The following PPDPFL variants were observed in gnomAD, a reference collection of about 807,000 sequenced individuals.
PPDPFL encodes the protein pancreatic progenitor cell differentiation and proliferation factor-like protein.
In PPDPFL, 12 loss-of-function variants were observed where a neutral mutation model predicts 12.6. That is an observed-to-expected ratio of 0.95 (90% CI 0.61 to 1.54). PPDPFL has a LOEUF of 1.54. Among genes scored for constraint, PPDPFL ranks in the 40% most tolerant of loss-of-function variants. The pLI is 0.00. For missense variants in PPDPFL, 114 were observed against 96.0 expected, an observed-to-expected ratio of 1.19 and a Z score of -0.78; for synonymous variants, 24 against 32.7, an observed-to-expected ratio of 0.73 and a Z score of 0.91.
rs371824456 is a variant in PPDPFL at position 49,059,302 on chromosome 8, CTTAAA to C, written c.-45+4939_-45+4943del. Among the ~76,000 whole-genome samples, 11 of 152,098 alleles carry C rather than the reference CTTAAA, an allele frequency of 7.2e-5. No homozygotes were observed. In the East Asian group the frequency reaches 1.5e-3, roughly 21 times the overall value. On this transcript the variant is annotated intron_variant, in intron 1 of 4. Coordinates refer to the PPDPFL transcript ENST00000517663. ...AGAGGTAAAGCACAATACTTAAGGC[CTTAAA>C]TTAAAGAGGGATAACGCTATAGTGA... is the stretch of plus-strand genomic sequence containing the variant.
At chr8:49,056,466 A>G (rs937063717) in intron 1 of PPDPFL, among the ~76,000 whole-genome samples, 14 of 152,192 alleles carry the variant, frequency 9.2e-5, no homozygotes, top group African/African-American at 2.7e-4. Flanking sequence ...ACTGGAAGTT[A>G]TATTATAATT....
At chr8:49,067,699 C>T (rs1371308165), upstream of PPDPFL, among the ~76,000 whole-genome samples, 1 of 152,232 alleles carries the variant, frequency 6.6e-6, no homozygotes, top group Admixed American at 6.5e-5. Flanking sequence ...GATCATCTCT[C>T]AGAAGGGTTG....
intron 1 of PPDPFL, among the ~76,000 whole-genome samples, chr8:49,056,491 A>G (rs757642270): frequency 2.6e-5 from 4 of 152,264 alleles, no homozygotes; most frequent in Admixed American, 2.6e-4. Flanking sequence ...AGATTACTTG[A>G]GTTCAATTAG....
At chr8:49,063,800 A>G (rs1255989425) in intron 1 of PPDPFL, among the ~76,000 whole-genome samples, 1 of 152,194 alleles carries the variant, frequency 6.6e-6, no homozygotes, top group Non-Finnish European at 1.5e-5. Flanking sequence ...AGCTGGATCC[A>G]GTAGATAATG....
intron 4 of PPDPFL, 60 bp downstream of exon 4, chr8:49,074,393 T>C: frequency 6.3e-7 from 1 of 1,576,906 alleles, no homozygotes; most frequent in Non-Finnish European, 8.7e-7. Flanking sequence ...ATAATGCATA[T>C]GGTATGTGTT....
chr8:49,061,279 A>C (rs1396752150), intron 1 of PPDPFL, among the ~76,000 whole-genome samples: 3 of 152,204 alleles, frequency 2.0e-5, no homozygotes, highest in Non-Finnish European at 4.4e-5. Context: ...TGGGGTCCTC[A>C]TAAGAAGAGG....
chr8:49,073,994 A>G (rs890689872), intron 2 of PPDPFL, 65 bp from the exon 3 acceptor site: 12 of 1,051,910 alleles, frequency 1.1e-5, no homozygotes, highest in African/African-American at 1.6e-5. Context: ...TTGTATATAA[A>G]TGATGCGGAT....
At chr8:49,062,458 G>C (rs537996943) in intron 1 of PPDPFL, among the ~76,000 whole-genome samples, 1 of 152,162 alleles carries the variant, frequency 6.6e-6, no homozygotes, top group Non-Finnish European at 1.5e-5. Flanking sequence ...TACTTAAGCT[G>C]GTTGTGTTTC....
intron 4 of PPDPFL, 60 bp downstream of exon 4, chr8:49,074,393 T>A: frequency 1.3e-6 from 2 of 1,576,906 alleles, no homozygotes; most frequent in Non-Finnish European, 1.7e-6. Flanking sequence ...ATAATGCATA[T>A]GGTATGTGTT....
At position 49,074,410 on chromosome 8, in the gene PPDPFL, C is replaced by T. The variant is rs577250675; in HGVS notation, c.233+77C>T. 1.4e-5 allele frequency: 22 copies of T among 1,574,024 alleles called. No individual in the cohort carries two copies. The African/African-American group carries it at 1.9e-4, about 13-fold the overall frequency. On this transcript the variant is annotated intron_variant, in intron 4 of 4. Coordinates refer to ENST00000522267, the MANE Select transcript of PPDPFL (RefSeq NM_001256597.2). ...AATGCATATGGTATGTGTTATGCTA[C>T]TCACTTAGGGTACATAGTTGTCTCT... is the stretch of plus-strand genomic sequence containing the variant.
chr8:49,069,460 C>T (rs1266765419), upstream of PPDPFL, among the ~76,000 whole-genome samples: 1 of 152,102 alleles, frequency 6.6e-6, no homozygotes, highest in Non-Finnish European at 1.5e-5. Flanking sequence ...TAGAAATCAT[C>T]AATTAAAAGA....
rs534816043 is a variant in PPDPFL at position 49,057,180 on chromosome 8, G to A, written c.-45+2811G>A. ...TTGCCAATATATGCATTGTTTTAGC[G>A]AATGCACATTACTGTGGCTCTTGAA... On this transcript the variant is annotated intron_variant, in intron 1 of 4. Coordinates refer to the PPDPFL transcript ENST00000517663. Among the ~76,000 whole-genome samples the A allele has an allele frequency of 7.4e-4, 113 of 152,224 alleles. 1 individual carries two copies. The South Asian group carries it at 0.023, about 31-fold the overall frequency.
Position 49,075,351 on chromosome 8 carries a change from G to C in PPDPFL, c.*178G>C, listed in dbSNP as rs6984804. On this transcript the variant is annotated 3_prime_UTR_variant, in exon 5 of 5. Coordinates refer to ENST00000522267, the MANE Select transcript of PPDPFL (RefSeq NM_001256597.2). ...GACTCTTCTCCATTGTAAGAAGACA[G>C]AAATGTGTCTGAGATCTCATTTATG... 7.9e-7 allele frequency: 1 copy of C among 1,268,716 alleles called. No homozygotes were observed. The highest frequency in any genetic ancestry group is 1.2e-6 in the Non-Finnish European group (1 of 868,082). The allele number at this position is 1,268,716 out of a possible 1,614,324, so 78.6% of individuals were successfully genotyped here. A position where few individuals can be genotyped will look rare whatever the true frequency, so the allele number is the denominator to read the frequency against.
At chr8:49,067,466 C>T (rs962583687), upstream of PPDPFL, among the ~76,000 whole-genome samples, 3 of 152,218 alleles carry the variant, frequency 2.0e-5, no homozygotes, top group Admixed American at 2.0e-4. Context: ...AAGATCTAGA[C>T]ACTTTAAGTC....
At chr8:49,067,180 C>T (rs1158981186) in intron 1 of PPDPFL, among the ~76,000 whole-genome samples, 1 of 152,144 alleles carries the variant, frequency 6.6e-6, no homozygotes, top group Admixed American at 6.5e-5. Flanking sequence ...ATTATTATTT[C>T]CTTTTTCATA....
At chr8:49,064,425 T>C (rs1808261292) in intron 1 of PPDPFL, among the ~76,000 whole-genome samples, 1 of 152,154 alleles carries the variant, frequency 6.6e-6, no homozygotes, top group Non-Finnish European at 1.5e-5. Context: ...CTTCCTTGTA[T>C]AAGTTTTCCC....
upstream of PPDPFL, among the ~76,000 whole-genome samples, chr8:49,071,087 T>C (rs977086881): frequency 1.3e-5 from 2 of 152,356 alleles, no homozygotes; most frequent in South Asian, 2.1e-4. Flanking sequence ...TTCAGTTTTT[T>C]AGATTCCACA....
intron 1 of PPDPFL, among the ~76,000 whole-genome samples, chr8:49,060,861 TCTTA>T (rs1166892670): frequency 9.9e-5 from 15 of 152,186 alleles, no homozygotes; most frequent in Admixed American, 8.5e-4. Context: ...GTGTTTGAAA[TCTTA>T]CTTATAATTG....
intron 1 of PPDPFL, among the ~76,000 whole-genome samples, chr8:49,060,093 T>C (rs1403434156): frequency 3.3e-5 from 5 of 152,218 alleles, no homozygotes; most frequent in African/African-American, 1.2e-4. Context: ...CAATTAGGCA[T>C]AGAGTGAAGA....
Sources: allele counts gnomAD v4.1 joint callset (sites outside exome capture counted in the v4.1 genomes callset), GRCh38; gene constraint gnomAD v4.1.1; transcripts MANE v1.5; gene names NCBI Gene and HGNC (gene_info 2026-07-23, HGNC 2026-07-21).